The following SUN1 variants were observed in gnomAD, a reference collection of about 807,000 sequenced individuals.
The protein encoded by SUN1 is Sad1 and UNC84 domain containing 1, also known as SUN domain-containing protein 1.
SUN1 carries 61 observed loss-of-function variants against 103.2 expected under a neutral mutation model. The observed-to-expected ratio is 0.59, with a 90% CI of 0.48 to 0.73. The LOEUF is 0.73. Ranked by LOEUF, SUN1 falls within the 30% of genes least tolerant of loss-of-function variation. The pLI is 0.00. For synonymous variants in SUN1, 490 were observed against 425.7 expected, an observed-to-expected ratio of 1.15 and a Z score of -1.86; for missense variants, 1,052 against 1,034.6, an observed-to-expected ratio of 1.02 and a Z score of -0.23.
At chr7:818,060 C>T (rs1016358032) in intron 1 of SUN1, among the ~76,000 whole-genome samples, 4 of 151,952 alleles carry the variant, frequency 2.6e-5, no homozygotes, top group East Asian at 1.9e-4. Context: ...AATGGAGTAT[C>T]CTCTCATTCA....
rs2128296982 is a variant in SUN1, at chr7:842,064, A to G, written c.385A>G (p.Thr129Ala). 6.2e-7 allele frequency: 1 copy of G among 1,614,144 alleles called. No individual in the cohort carries two copies. Among genetic ancestry groups the G allele is most frequent in the Non-Finnish European group, 8.5e-7 (1 of 1,180,034 alleles). The change falls in exon 3 of 19, where the codon ACT (threonine) becomes GCT (alanine). Residue 129 changes from threonine to alanine, a missense_variant. By Grantham distance (58) the Thr-to-Ala change is moderately conservative (BLOSUM62 0). Transcript: ENST00000401592. Reference sequence around the variant, plus strand: ...CACTGTCAGCCTGCAGGATGCTGTGACTCGACGGCCTCCTGTATTGGACGA... The same window carrying G: ...CACTGTCAGCCTGCAGGATGCTGTGGCTCGACGGCCTCCTGTATTGGACGA... Reference protein sequence around the residue: ...GGTVSLQDAVTRRPPVLDESW... With the variant: ...GGTVSLQDAVARRPPVLDESW...
chr7:839,935 C>T (rs1357891151), intron 2 of SUN1, among the ~76,000 whole-genome samples: 2 of 152,196 alleles, frequency 1.3e-5, no homozygotes, highest in African/African-American at 4.8e-5. Flanking sequence ...CCTATATTTG[C>T]GTTCGTCGAG....
At chr7:816,038 C>T, upstream of SUN1, 1 of 214,946 alleles carries the variant, frequency 4.7e-6, no homozygotes, top group South Asian at 4.3e-5. Context: ...ATGCAGACCC[C>T]TCCCCCGGAT....
At chr7:855,490 G>A (rs565076004) in intron 11 of SUN1, among the ~76,000 whole-genome samples, 1 of 152,246 alleles carries the variant, frequency 6.6e-6, no homozygotes, top group Non-Finnish European at 1.5e-5. Flanking sequence ...GAGTCGGGTC[G>A]GGCTCAGGTT....
intron 5 of SUN1, chr7:849,429 A>G (rs1819727906): frequency 3.0e-6 from 3 of 999,484 alleles, no homozygotes; most frequent in African/African-American, 1.7e-5. Flanking sequence ...AGCCTTGCAC[A>G]TCCTCTGATC....
At chr7:830,601 C>T (rs1340821566), upstream of SUN1, among the ~76,000 whole-genome samples, 3 of 152,218 alleles carry the variant, frequency 2.0e-5, no homozygotes. Flanking sequence ...TCCTCAGCAC[C>T]TGCTGAACCT....
upstream of SUN1, among the ~76,000 whole-genome samples, chr7:828,198 C>T (rs184025451): frequency 1.9e-3 from 290 of 152,260 alleles, 1 homozygote; most frequent in Non-Finnish European, 3.5e-3. Flanking sequence ...GCCACCCCAC[C>T]TGGCCTTATC....
intron 16 of SUN1, among the ~76,000 whole-genome samples, 159 bp downstream of exon 16, chr7:866,226 C>T (rs891141292): frequency 2.0e-5 from 3 of 152,196 alleles, no homozygotes; most frequent in Admixed American, 6.5e-5. Flanking sequence ...GAGGAGTCCC[C>T]GGTGTCCCCG....
At chr7:852,992 G>C in intron 9 of SUN1, 40 bp downstream of exon 9, 1 of 1,585,994 alleles carries the variant, frequency 6.3e-7, no homozygotes, top group South Asian at 1.1e-5. Flanking sequence ...CACTGCACAT[G>C]TGAGGTCTTC....
chr7:868,234 G>C (rs1345202123), intron 16 of SUN1, among the ~76,000 whole-genome samples: 4 of 152,248 alleles, frequency 2.6e-5, no homozygotes, highest in Non-Finnish European at 5.9e-5. Flanking sequence ...CAACGTGGCT[G>C]CCTGGGCGCA....
chr7:827,672 T>TG (rs1335184957), upstream of SUN1, among the ~76,000 whole-genome samples: 36 of 151,856 alleles, frequency 2.4e-4, no homozygotes, highest in Admixed American at 8.5e-4. Flanking sequence ...GGTTTCACCA[T>TG]TCACAGGATG....
At chr7:849,929 A>G in intron 5 of SUN1, 1 of 1,596,720 alleles carries the variant, frequency 6.3e-7, no homozygotes, top group Non-Finnish European at 8.5e-7. Flanking sequence ...GCAGGCGACG[A>G]CTGTAAGGGC....
upstream of SUN1, among the ~76,000 whole-genome samples, chr7:829,275 A>G (rs988288319): frequency 3.3e-5 from 5 of 152,212 alleles, no homozygotes; most frequent in African/African-American, 4.8e-5. Context: ...GGAAGGCTCT[A>G]ATGTTACATT....
intron 11 of SUN1, among the ~76,000 whole-genome samples, chr7:855,822 C>G (rs1826677092): frequency 6.6e-6 from 1 of 151,146 alleles, no homozygotes; most frequent in Admixed American, 6.6e-5. Context: ...CTGCGGGGCG[C>G]CTCCTCCTCT....
At position 861,788 on chromosome 7, in the gene SUN1, C is replaced by T. The variant is rs566646284; in HGVS notation, c.1864+324C>T. 3.3e-5 allele frequency among the ~76,000 whole-genome samples: 5 copies of T among 152,342 alleles called. No individual in the cohort carries two copies. The South Asian group carries it at 1.0e-3, about 32-fold the overall frequency. On this transcript the variant is annotated intron_variant, in intron 15 of 18. Transcript: ENST00000401592. ...TTGTTCAGTGCCTTCAGGAGAGACT[C>T]AGCAGTGACCACACAGCTCTCCCCG...
At chr7:840,062 T>C (rs190452398) in intron 2 of SUN1, among the ~76,000 whole-genome samples, 2 of 152,334 alleles carry the variant, frequency 1.3e-5, no homozygotes, top group East Asian at 3.9e-4. Context: ...GTTGCTCATG[T>C]AAGAATAAGA....
intron 1 of SUN1, among the ~76,000 whole-genome samples, chr7:826,031 G>C (rs952785963): frequency 6.6e-6 from 1 of 152,048 alleles, no homozygotes; most frequent in East Asian, 1.9e-4. Flanking sequence ...TTGAGGCCAG[G>C]AGTTCAAGAC....
Position 849,604 on chromosome 7 carries a change from G to T in SUN1, c.659-1780G>T, listed in dbSNP as rs1360244991. On this transcript the variant is annotated intron_variant, in intron 5 of 18. Transcript: ENST00000401592. ...CTCAGTGTAAATGGGGAAGCGCTGTGTAAGTATGGCTTCGTTTTCCTGTGG... is the reference window on the plus strand; with the variant it reads ...CTCAGTGTAAATGGGGAAGCGCTGTTTAAGTATGGCTTCGTTTTCCTGTGG... The T allele has an allele frequency of 2.7e-6, 4 of 1,474,906 alleles. No homozygotes were observed. In the African/African-American group the frequency reaches 4.2e-5, roughly 15 times the overall value. 91.4% of individuals were successfully genotyped at this position (1,474,906 alleles called of 1,614,324 possible).
intron 10 of SUN1, 47 bp from the exon 11 acceptor site, chr7:854,873 G>A: frequency 6.8e-7 from 1 of 1,473,678 alleles, no homozygotes; most frequent in Non-Finnish European, 9.4e-7. Flanking sequence ...CCAGGTTTTT[G>A]TTGCTTAACT....
Sources: gnomAD v4.1 joint callset for allele counts (sites outside exome capture counted in the v4.1 genomes callset) on GRCh38, gnomAD v4.1.1 for gene constraint, MANE v1.5 for transcripts, NCBI Gene and HGNC (gene_info 2026-07-23, HGNC 2026-07-21) for gene names.